Variants in KCNJ12 observed in about 807,000 individuals in gnomAD.
KCNJ12 encodes the protein ATP-sensitive inward rectifier potassium channel 12.
Under a neutral mutation model 22.3 loss-of-function variants are expected in KCNJ12, and 2 were observed. The observed-to-expected ratio is 0.09, with a 90% CI of 0.04 to 0.28. The LOEUF (loss-of-function observed/expected upper bound fraction) is 0.28. KCNJ12 is among the 10% of genes least tolerant of loss of function. The pLI is 1.00. For synonymous variants in KCNJ12, 117 were observed against 261.4 expected (o/e 0.45, Z 5.33); for missense variants, 155 against 633.3 (o/e 0.24, Z 8.11).
rs139059066 is a variant in KCNJ12, at chr17:21,382,040, T to C, written c.-179+5127T>C. Among the ~76,000 whole-genome samples the C allele has an allele frequency of 4.1e-3, 618 of 152,356 alleles. 8 individuals are homozygous for C. The highest frequency in any genetic ancestry group is 0.014 in the African/African-American group (579 of 41,582). ...GTCCAAGAACTGTGGCGCTTGTTGG[T>C]GGACAGAGCTGGATTCTGACCTTTT... On this transcript the variant is annotated intron_variant, in intron 1 of 2. Coordinates refer to ENST00000583088, the MANE Select transcript of KCNJ12 (RefSeq NM_021012.5).
At chr17:21,398,864 G>A (rs1286637045) in intron 1 of KCNJ12, among the ~76,000 whole-genome samples, 2 of 152,266 alleles carry the variant, frequency 1.3e-5, no homozygotes, top group Admixed American at 6.5e-5. Flanking sequence ...ATAGCACATA[G>A]CACTGTATGC....
At chr17:21,382,454 T>C (rs1435930989) in intron 1 of KCNJ12, among the ~76,000 whole-genome samples, 3 of 152,160 alleles carry the variant, frequency 2.0e-5, no homozygotes. Flanking sequence ...CCCACGGTCA[T>C]TGAGTTTCAT....
At position 21,417,329 on chromosome 17, in the gene KCNJ12, A is replaced by G. The variant is rs1186888337; in HGVS notation, c.*685A>G. The G allele has an allele frequency of 6.0e-6, 1 of 167,066 alleles. No individual in the cohort carries two copies. The highest frequency in any genetic ancestry group is 1.5e-5 in the Non-Finnish European group (1 of 68,134). 10.3% of individuals were successfully genotyped at this position (167,066 alleles called of 1,614,324 possible). A position where few individuals can be genotyped will look rare whatever the true frequency, so the allele number is the denominator to read the frequency against. ...AGGCTCTGTTTGTGATAGAAAAATCAAGACCATGTTAATGATCGTAATAAA... is the reference window on the plus strand; with the variant it reads ...AGGCTCTGTTTGTGATAGAAAAATCGAGACCATGTTAATGATCGTAATAAA... On this transcript the variant is annotated 3_prime_UTR_variant, in exon 3 of 3. Coordinates refer to ENST00000583088, the MANE Select transcript of KCNJ12 (RefSeq NM_021012.5).
At chr17:21,410,766 A>G (rs1174546014) in intron 2 of KCNJ12, among the ~76,000 whole-genome samples, 1 of 152,292 alleles carries the variant, frequency 6.6e-6, no homozygotes, top group African/African-American at 2.4e-5. Flanking sequence ...CCCAGCCTGG[A>G]AGCTTCACTC....
chr17:21,382,068 C>T (rs1202690023), intron 1 of KCNJ12, among the ~76,000 whole-genome samples: 1 of 152,244 alleles, frequency 6.6e-6, no homozygotes, highest in African/African-American at 2.4e-5. Flanking sequence ...GACCTTTTCT[C>T]TGAGCCTTTG....
At chr17:21,411,328 G>T (rs1906332424) in intron 2 of KCNJ12, among the ~76,000 whole-genome samples, 1 of 152,308 alleles carries the variant, frequency 6.6e-6, no homozygotes, top group African/African-American at 2.4e-5. Context: ...ACTGGTCGCT[G>T]GGAGGCTGCG....
Position 21,383,005 on chromosome 17 carries a change from G to A in KCNJ12, c.-179+6092G>A, listed in dbSNP as rs965074717. On this transcript the variant is annotated intron_variant, in intron 1 of 2. Transcript: ENST00000583088. ...ACAGTTCCCGGAGGAAGGCTGGGGC[G>A]CAGCCTTGAGGCCACAGACCCTCTG... Among the ~76,000 whole-genome samples the A allele has an allele frequency of 6.6e-5, 10 of 152,186 alleles. No individual in the cohort carries two copies. The South Asian group carries it at 1.5e-3, about 22-fold the overall frequency.
At position 21,379,794 on chromosome 17, in the gene KCNJ12, T is replaced by TG. The variant is rs1212225290; in HGVS notation, c.-179+2890dup. 7.7e-4 allele frequency among the ~76,000 whole-genome samples: 68 copies of TG among 88,660 alleles called. 1 individual carries two copies. In the Middle Eastern group the frequency reaches 0.025, roughly 33 times the overall value. 58.2% of individuals were successfully genotyped at this position (88,660 alleles called of 152,430 possible). A position where few individuals can be genotyped will look rare whatever the true frequency, so the allele number is the denominator to read the frequency against. On this transcript the variant is annotated intron_variant, in intron 1 of 2. Transcript: ENST00000583088. ...TTCAGAGGCACCATGGGGTTGGGGG[T>TG]GGGGGGGGGCCTGGCAGAGGCAGGT...
intron 1 of KCNJ12, among the ~76,000 whole-genome samples, chr17:21,383,682 T>G (rs535280831): frequency 1.3e-5 from 2 of 152,180 alleles, no homozygotes; most frequent in South Asian, 4.1e-4. Flanking sequence ...TTTCTTTCCA[T>G]CCCCTCCTTT....
chr17:21,417,493 C>T lies in KCNJ12; in HGVS notation c.*849C>T, dbSNP rs1213744751. On this transcript the variant is annotated 3_prime_UTR_variant, in exon 3 of 3. Coordinates refer to ENST00000583088, the MANE Select transcript of KCNJ12 (RefSeq NM_021012.5). ...CATCGAGGGTTCCTCCCCGCACCCTCGATTTTCCTGTTTTGCTTCTCTCTC... is the reference window on the plus strand; with the variant it reads ...CATCGAGGGTTCCTCCCCGCACCCTTGATTTTCCTGTTTTGCTTCTCTCTC... The T allele has an allele frequency of 1.2e-5, 2 of 167,188 alleles. No individual in the cohort carries two copies. Among genetic ancestry groups the T allele is most frequent in the East Asian group, 3.8e-4 (2 of 5,200 alleles). The allele number at this position is 167,188 out of a possible 1,614,324, so 10.4% of individuals were successfully genotyped here. A position where few individuals can be genotyped will look rare whatever the true frequency, so the allele number is the denominator to read the frequency against.
At chr17:21,392,284 A>G (rs1905228997) in intron 1 of KCNJ12, among the ~76,000 whole-genome samples, 1 of 152,236 alleles carries the variant, frequency 6.6e-6, no homozygotes, top group Non-Finnish European at 1.5e-5. Context: ...CCAGGCACAT[A>G]GTAGGCGCTC....
chr17:21,401,336 A>G (rs1358981678), intron 1 of KCNJ12, among the ~76,000 whole-genome samples: 4 of 152,256 alleles, frequency 2.6e-5, no homozygotes, highest in African/African-American at 9.6e-5. Context: ...TGCCCAGGCC[A>G]GGCATTGTGA....
chr17:21,400,363 C>A (rs1905533835), intron 1 of KCNJ12, among the ~76,000 whole-genome samples: 1 of 152,310 alleles, frequency 6.6e-6, no homozygotes, highest in South Asian at 2.1e-4. Context: ...GCCCTGTTGA[C>A]CCTCAGCTGG....
chr17:21,399,814 G>A (rs369388989), intron 1 of KCNJ12, among the ~76,000 whole-genome samples: 3 of 152,168 alleles, frequency 2.0e-5, no homozygotes, highest in African/African-American at 4.8e-5. Context: ...GACTGGCTGC[G>A]TGTCCCTAGG....
At chr17:21,396,592 A>G (rs1444158371) in intron 1 of KCNJ12, among the ~76,000 whole-genome samples, 3 of 151,918 alleles carry the variant, frequency 2.0e-5, no homozygotes, top group Non-Finnish European at 2.9e-5. Flanking sequence ...TGGTTATGGG[A>G]TGCCCGGTGT....
rs782643223 is a variant in KCNJ12 at position 21,415,409 on chromosome 17, G to A, written c.67G>A (p.Val23Ile). 1.9e-6 allele frequency: 3 copies of A among 1,613,704 alleles called. No homozygotes were observed. Among genetic ancestry groups the A allele is most frequent in the Admixed American group, 1.7e-5 (1 of 60,024 alleles). ...ATCGGAGGAGGACGGGCTGCACCTGGTCACCATGTCGGGCGCCAACGGCTT... is the reference window on the plus strand; with the variant it reads ...ATCGGAGGAGGACGGGCTGCACCTGATCACCATGTCGGGCGCCAACGGCTT... ...VSSEEDGLHL[V>I]TMSGANGFGN... The change falls in exon 3 of 3, where the codon GTC becomes ATC. Residue 23 changes from valine (V) to isoleucine (I), a missense_variant. Coordinates refer to ENST00000583088, the MANE Select transcript of KCNJ12 (RefSeq NM_021012.5).
intron 2 of KCNJ12, among the ~76,000 whole-genome samples, chr17:21,412,565 T>C (rs1400930953): frequency 1.2e-4 from 18 of 152,298 alleles, no homozygotes; most frequent in African/African-American, 3.9e-4. Context: ...GCCCCGGCCC[T>C]GGCTGCCTCT....
At chr17:21,384,459 T>C (rs1396019893) in intron 1 of KCNJ12, among the ~76,000 whole-genome samples, 1 of 151,938 alleles carries the variant, frequency 6.6e-6, no homozygotes, top group African/African-American at 2.4e-5. Flanking sequence ...CCTCTGGGAG[T>C]TGGGATAATC....
intron 1 of KCNJ12, among the ~76,000 whole-genome samples, chr17:21,383,899 T>C (rs1904975557): frequency 6.6e-6 from 1 of 152,158 alleles, no homozygotes; most frequent in South Asian, 2.1e-4. Flanking sequence ...GGCATTGTCA[T>C]ATTTTGTTGA....
Sources: gnomAD v4.1 joint callset for allele counts (sites outside exome capture counted in the v4.1 genomes callset) on GRCh38, gnomAD v4.1.1 for gene constraint, MANE v1.5 for transcripts, NCBI Gene and HGNC (gene_info 2026-07-23, HGNC 2026-07-21) for gene names.